DNAH9: variants seen among roughly 807,000 people sequenced by gnomAD.
The protein encoded by DNAH9 is dynein axonemal heavy chain 9, also known as DNAH9 variant protein.
DNAH9 carries 345 observed loss-of-function variants against 471.6 expected under a neutral mutation model. The ratio of observed to expected loss-of-function variants is 0.73; its 90% CI spans 0.67 to 0.80. The LOEUF is 0.80. Ranked by LOEUF, DNAH9 falls within the 30% of genes least tolerant of loss-of-function variation. DNAH9 has a pLI of 0.00. For synonymous variants in DNAH9, 2,093 were observed against 2,123.6 expected (o/e 0.99, Z 0.40); for missense variants, 5,407 against 5,609.2 (o/e 0.96, Z 1.15).
chr17:11,644,774 T>C, intron 11 of DNAH9, 75 bp downstream of exon 11: 1 of 1,018,100 alleles, frequency 9.8e-7, no homozygotes, highest in South Asian at 1.4e-5. Context: ...TCCGAGTTTG[T>C]GCAGATTCCT....
intron 61 of DNAH9, among the ~76,000 whole-genome samples, chr17:11,913,254 G>T (rs377378351): frequency 2.6e-5 from 4 of 152,098 alleles, no homozygotes; most frequent in African/African-American, 9.7e-5. Context: ...CTGGGCCTGA[G>T]TTTTTTTGAG....
chr17:11,693,093 T>C (rs1035267308), intron 20 of DNAH9, among the ~76,000 whole-genome samples: 1 of 150,542 alleles, frequency 6.6e-6, no homozygotes, highest in East Asian at 2.0e-4. Flanking sequence ...TTTTGTATCT[T>C]TAGTAGAGAC....
intron 22 of DNAH9, 30 bp downstream of exon 22, chr17:11,694,477 C>CT: frequency 1.2e-6 from 2 of 1,612,782 alleles, no homozygotes; most frequent in East Asian, 4.5e-5. Flanking sequence ...GCAGAAAGGT[C>CT]TAGGAGGGCT....
chr17:11,622,915 G>T (rs2072897625), intron 6 of DNAH9, among the ~76,000 whole-genome samples: 1 of 150,870 alleles, frequency 6.6e-6, no homozygotes, highest in Non-Finnish European at 1.5e-5. Context: ...CTTGGCTCTG[G>T]TTAGCTGCTT....
intron 26 of DNAH9, among the ~76,000 whole-genome samples, chr17:11,716,603 A>ATC (rs2074968891): frequency 6.6e-6 from 1 of 152,224 alleles, no homozygotes; most frequent in Non-Finnish European, 1.5e-5. Flanking sequence ...AGCTCAGCAG[A>ATC]TGCTCAAAAA....
chr17:11,946,277 C>T (rs1013869109), intron 67 of DNAH9, among the ~76,000 whole-genome samples: 4 of 150,320 alleles, frequency 2.7e-5, no homozygotes, highest in Non-Finnish European at 4.4e-5. Flanking sequence ...AACAGCTTCA[C>T]ATCTTTAGAA....
At chr17:11,869,018 A>C in intron 50 of DNAH9, 116 bp from the exon 51 acceptor site, 1 of 1,234,290 alleles carries the variant, frequency 8.1e-7, no homozygotes, top group Non-Finnish European at 1.1e-6. Flanking sequence ...GTCCCATAGG[A>C]ATGCCCCCGC....
chr17:11,886,865 C>A lies in DNAH9; in HGVS notation c.11012C>A (p.Ala3671Asp), dbSNP rs770599364. The A allele has an allele frequency of 6.2e-7, 1 of 1,612,486 alleles. No individual in the cohort carries two copies. The highest frequency in any genetic ancestry group is 1.7e-5 in the Admixed American group (1 of 59,774). The part of the protein sequence containing the change: ...AKVTEVKINE[A>D]REHYRPAAAR... ...GTGACTGAAGTGAAAATCAACGAGGCCCGAGAGCACTACCGGCCAGCAGCT... is the reference window on the plus strand; with the variant it reads ...GTGACTGAAGTGAAAATCAACGAGGACCGAGAGCACTACCGGCCAGCAGCT... Residue 3671 changes from alanine (A) to aspartate (D), a missense_variant, in exon 57 of 69, where the codon GCC (alanine) becomes GAC (aspartate). Coordinates refer to ENST00000262442, the MANE Select transcript of DNAH9 (RefSeq NM_001372.4).
Position 11,940,723 on chromosome 17 carries a change from C to G in DNAH9, c.12661-1580C>G, listed in dbSNP as rs77371315. On this transcript the variant is annotated intron_variant, in intron 66 of 68. Transcript: ENST00000262442. ...TTCATAGCTTTCAGAGACTGCCACA[C>G]TCATCAGCTCATTTGATTTGATCTT... Among the ~76,000 whole-genome samples the G allele has an allele frequency of 1.4e-3, 207 of 152,322 alleles. 1 individual carries two copies. The East Asian group carries it at 0.032, about 23-fold the overall frequency.
At chr17:11,779,600 G>T (rs1351256562) in intron 38 of DNAH9, among the ~76,000 whole-genome samples, 1 of 152,188 alleles carries the variant, frequency 6.6e-6, no homozygotes, top group East Asian at 1.9e-4. Context: ...TACAGGGTCT[G>T]CTTAATTCCA....
chr17:11,924,780 C>T (rs922269775), intron 62 of DNAH9, among the ~76,000 whole-genome samples: 11 of 151,886 alleles, frequency 7.2e-5, no homozygotes, highest in African/African-American at 2.2e-4. Flanking sequence ...CGTACCACCA[C>T]GCCCGGCTAA....
intron 62 of DNAH9, chr17:11,925,358 C>T (rs186640615): frequency 1.2e-3 from 375 of 304,204 alleles, no homozygotes; most frequent in Non-Finnish European, 2.2e-3. Context: ...GGTGACATCA[C>T]ATCTTGCTGC....
intron 26 of DNAH9, among the ~76,000 whole-genome samples, chr17:11,709,595 T>C (rs563233052): frequency 1.3e-5 from 2 of 152,324 alleles, no homozygotes; most frequent in South Asian, 2.1e-4. Flanking sequence ...CCTGTTTCTT[T>C]GGAATTTCCC....
intron 39 of DNAH9, among the ~76,000 whole-genome samples, chr17:11,782,038 C>T (rs949356878): frequency 2.0e-5 from 3 of 150,704 alleles, no homozygotes; most frequent in African/African-American, 7.3e-5. Flanking sequence ...TTTGACTCAC[C>T]TTTCTACCGC....
intron 41 of DNAH9, among the ~76,000 whole-genome samples, chr17:11,787,349 AT>A (rs1321453292): frequency 1.3e-5 from 2 of 152,216 alleles, no homozygotes; most frequent in Non-Finnish European, 2.9e-5. Flanking sequence ...GTTACAGTCA[AT>A]TTACACCTCC....
intron 63 of DNAH9, among the ~76,000 whole-genome samples, chr17:11,931,273 A>G (rs1974500382): frequency 6.6e-6 from 1 of 152,192 alleles, no homozygotes; most frequent in Admixed American, 6.5e-5. Context: ...ATCTTGTCAT[A>G]GTACCAGTGC....
chr17:11,710,994 C>T (rs1038525397), intron 26 of DNAH9, among the ~76,000 whole-genome samples: 1 of 152,212 alleles, frequency 6.6e-6, no homozygotes, highest in African/African-American at 2.4e-5. Context: ...CATGACTTTG[C>T]TTCTTCTGAA....
Position 11,647,126 on chromosome 17 carries a change from G to A in DNAH9, c.2025G>A (p.Gln675=). The part of the protein sequence containing the change: ...DWCRTVSEKS[Q]YNLSQPLLKR... ...GCCGGACAGTATCAGAGAAGTCACA[G>A]TACAATCTTTCCCAACCACTTCTAA... The change falls in exon 12 of 69, where the codon CAG becomes CAA. Residue 675 remains glutamine, a synonymous_variant. Transcript: ENST00000262442. 6.2e-7 allele frequency: 1 copy of A among 1,614,002 alleles called. No homozygotes were observed. Among genetic ancestry groups the A allele is most frequent in the Non-Finnish European group, 8.5e-7 (1 of 1,179,904 alleles).
At chr17:11,966,707 C>T (rs1976755407) in intron 68 of DNAH9, among the ~76,000 whole-genome samples, 1 of 151,994 alleles carries the variant, frequency 6.6e-6, no homozygotes, top group African/African-American at 2.4e-5. Context: ...ATGAAAACAG[C>T]ACAAAGGAGG....
Sources: allele counts gnomAD v4.1 joint callset (sites outside exome capture counted in the v4.1 genomes callset), GRCh38; gene constraint gnomAD v4.1.1; transcripts MANE v1.5; gene names NCBI Gene and HGNC (gene_info 2026-07-23, HGNC 2026-07-21).